Variants in PDE7A observed in about 807,000 individuals in gnomAD.
PDE7A encodes high affinity 3',5'-cyclic-AMP phosphodiesterase 7A.
Under a neutral mutation model 64.3 loss-of-function variants are expected in PDE7A, and 39 were observed. The ratio of observed to expected loss-of-function variants is 0.61; its 90% confidence interval spans 0.47 to 0.79. The LOEUF (loss-of-function observed/expected upper bound fraction) is 0.79. Ranked by LOEUF, PDE7A falls within the 30% of genes least tolerant of loss-of-function variation. PDE7A has a pLI of 0.00. For synonymous variants in PDE7A, 203 were observed against 206.8 expected (o/e 0.98, Z 0.16); for missense variants, 470 against 582.8 (o/e 0.81, Z 1.99).
intron 4 of PDE7A, among the ~76,000 whole-genome samples, chr8:65,746,446 T>C (rs1332490754): frequency 2.0e-5 from 3 of 152,196 alleles, no homozygotes; most frequent in South Asian, 4.1e-4. Context: ...ATTTATATTA[T>C]CTAAATATGC....
At chr8:65,767,204 G>A (rs1347194727) in intron 3 of PDE7A, among the ~76,000 whole-genome samples, 3 of 152,140 alleles carry the variant, frequency 2.0e-5, no homozygotes. Flanking sequence ...AGGGCAAAGA[G>A]GTTAAACATG....
intron 3 of PDE7A, among the ~76,000 whole-genome samples, chr8:65,774,322 A>ATACT (rs1809196351): frequency 6.6e-6 from 1 of 152,140 alleles, no homozygotes; most frequent in South Asian, 2.1e-4. Context: ...TGAGAATATT[A>ATACT]TAAAAAGTTA....
intron 7 of PDE7A, among the ~76,000 whole-genome samples, chr8:65,730,684 TTGCAGG>T (rs1356021197): frequency 1.3e-5 from 2 of 152,018 alleles, no homozygotes; most frequent in Non-Finnish European, 2.9e-5. Flanking sequence ...TTCCAGCACT[TTGCAGG>T]GCCAAGGCAG....
At chr8:65,798,206 A>ATATATATTTTTT in intron 1 of PDE7A, among the ~76,000 whole-genome samples, 6 of 73,834 alleles carry the variant, frequency 8.1e-5, no homozygotes, top group South Asian at 4.5e-4. Flanking sequence ...ATATATATAT[A>ATATATATTTTTT]TTTTTTTTTT....
chr8:65,801,546 C>A (rs1809986980), intron 1 of PDE7A, among the ~76,000 whole-genome samples: 1 of 152,028 alleles, frequency 6.6e-6, no homozygotes, highest in Admixed American at 6.5e-5. Flanking sequence ...GAGCACCCCC[C>A]AGTAACTCTT....
chr8:65,797,697 C>A (rs1809876576), intron 1 of PDE7A, among the ~76,000 whole-genome samples: 1 of 151,796 alleles, frequency 6.6e-6, no homozygotes, highest in South Asian at 2.1e-4. Context: ...TCCCAGCAGA[C>A]TTTTTTTTAG....
intron 1 of PDE7A, among the ~76,000 whole-genome samples, chr8:65,839,495 A>G (rs1353257756): frequency 1.3e-5 from 2 of 152,050 alleles, no homozygotes; most frequent in African/African-American, 2.4e-5. Context: ...CTTGATAATG[A>G]TAAGTATGTC....
At chr8:65,826,321 G>A (rs1585950486) in intron 1 of PDE7A, among the ~76,000 whole-genome samples, 1 of 152,302 alleles carries the variant, frequency 6.6e-6, no homozygotes, top group Non-Finnish European at 1.5e-5. Flanking sequence ...GGAGGCTATT[G>A]CAGCCGGCTA....
intron 1 of PDE7A, among the ~76,000 whole-genome samples, chr8:65,809,251 A>G (rs1810184077): frequency 6.6e-6 from 1 of 152,232 alleles, no homozygotes; most frequent in African/African-American, 2.4e-5. Flanking sequence ...CATTACATAA[A>G]CATTAAAAGT....
chr8:65,774,164 C>T (rs911542755), intron 3 of PDE7A, among the ~76,000 whole-genome samples: 6 of 152,164 alleles, frequency 3.9e-5, no homozygotes, highest in African/African-American at 7.2e-5. Flanking sequence ...GTTTCTGCTA[C>T]GTTATTGCAG....
intron 1 of PDE7A, among the ~76,000 whole-genome samples, chr8:65,807,564 G>T (rs1810141274): frequency 6.6e-6 from 1 of 152,010 alleles, no homozygotes; most frequent in African/African-American, 2.4e-5. Flanking sequence ...TTAGTTCAAT[G>T]CTGAATACAA....
At chr8:65,769,860 C>T (rs1190761805) in intron 3 of PDE7A, among the ~76,000 whole-genome samples, 1 of 152,108 alleles carries the variant, frequency 6.6e-6, no homozygotes, top group Non-Finnish European at 1.5e-5. Flanking sequence ...TGTGCCATTG[C>T]ACTCCAGCCT....
At chr8:65,749,064 C>T (rs958419957) in intron 3 of PDE7A, among the ~76,000 whole-genome samples, 1 of 152,182 alleles carries the variant, frequency 6.6e-6, no homozygotes, top group Non-Finnish European at 1.5e-5. Flanking sequence ...CTGTCACCTT[C>T]CCTGGGAAGC....
In PDE7A at chr8:65,756,601, C is replaced by T. The variant is rs1321001570; in HGVS notation, c.284-8798G>A. On this transcript the variant is annotated intron_variant, in intron 3 of 12. Transcript: ENST00000401827. ...TCTGTTTGGTTCCTTTTTACAATTTCTTTCTCTTTACTGAGATTCTCATTT... is the reference window on the plus strand; with the variant it reads ...TCTGTTTGGTTCCTTTTTACAATTTTTTTCTCTTTACTGAGATTCTCATTT... 3.3e-5 allele frequency among the ~76,000 whole-genome samples: 5 copies of T among 152,214 alleles called. No homozygotes were observed. In the East Asian group the frequency reaches 7.7e-4, roughly 23 times the overall value.
chr8:65,733,262 C>A (rs554703021), intron 7 of PDE7A, among the ~76,000 whole-genome samples: 4 of 152,266 alleles, frequency 2.6e-5, no homozygotes, highest in Non-Finnish European at 5.9e-5. Context: ...ATTTCCCTGC[C>A]CCTGGCTTGG....
intron 7 of PDE7A, chr8:65,731,722 G>C (rs1364668994): frequency 4.6e-5 from 7 of 152,042 alleles, no homozygotes; most frequent in Non-Finnish European, 1.0e-4. Context: ...AATTTCTTTG[G>C]CTTGAAATAT....
chr8:65,830,745 G>GT, intron 1 of PDE7A, among the ~76,000 whole-genome samples: 1 of 152,048 alleles, frequency 6.6e-6, no homozygotes, highest in East Asian at 1.9e-4. Context: ...TCGTATTTTT[G>GT]TATTATAACT....
At chr8:65,758,680 A>C (rs572743141) in intron 3 of PDE7A, among the ~76,000 whole-genome samples, 2 of 152,230 alleles carry the variant, frequency 1.3e-5, no homozygotes, top group Non-Finnish European at 2.9e-5. Context: ...TGAAGAGGTT[A>C]TCTCTCTGCC....
chr8:65,737,659 C>T (rs1001327407), intron 6 of PDE7A, among the ~76,000 whole-genome samples: 1 of 152,162 alleles, frequency 6.6e-6, no homozygotes, highest in African/African-American at 2.4e-5. Flanking sequence ...GGTAGGATTA[C>T]AGGCACATGC....
Sources: gnomAD v4.1 joint callset for allele counts (sites outside exome capture counted in the v4.1 genomes callset) on GRCh38, gnomAD v4.1.1 for gene constraint, MANE v1.5 for transcripts, NCBI Gene and HGNC (gene_info 2026-07-23, HGNC 2026-07-21) for gene names.